The following MTHFS variants were observed in gnomAD, a reference collection of about 807,000 sequenced individuals.
The protein encoded by MTHFS is 5-formyltetrahydrofolate cyclo-ligase.
In MTHFS, 7 loss-of-function variants were observed where a neutral mutation model predicts 12.7. That is an observed-to-expected ratio of 0.55 (90% CI 0.31 to 1.03). The LOEUF (loss-of-function observed/expected upper bound fraction) is 1.03. MTHFS is among the 50% of genes least tolerant of loss of function. The pLI, the probability that MTHFS is intolerant of heterozygous loss-of-function variation, is 0.05. For synonymous variants in MTHFS, 100 were observed against 97.1 expected (o/e 1.03, Z -0.18); for missense variants, 252 against 258.1 (o/e 0.98, Z 0.16).
chr15:79,878,879 T>G (rs2034246825), intron 2 of MTHFS, among the ~76,000 whole-genome samples: 1 of 151,722 alleles, frequency 6.6e-6, no homozygotes, highest in Non-Finnish European at 1.5e-5. Flanking sequence ...TTTTCTTTCT[T>G]TCTTTAATTT....
intron 1 of MTHFS, among the ~76,000 whole-genome samples, chr15:79,891,638 C>G (rs1031256544): frequency 1.3e-5 from 2 of 152,074 alleles, no homozygotes; most frequent in African/African-American, 2.4e-5. Context: ...TTTTTATTAT[C>G]TGATTAACAA....
At chr15:79,848,366 C>T (rs2033656320) in intron 2 of MTHFS, among the ~76,000 whole-genome samples, 1 of 152,112 alleles carries the variant, frequency 6.6e-6, no homozygotes, top group South Asian at 2.1e-4. Context: ...AGAGAGTTGC[C>T]ATTCAATGGA....
chr15:79,859,591 G>A (rs970770654), intron 2 of MTHFS, among the ~76,000 whole-genome samples: 1 of 152,180 alleles, frequency 6.6e-6, no homozygotes, highest in African/African-American at 2.4e-5. Flanking sequence ...GCCGAGGCGG[G>A]CAGATCACCT....
At chr15:79,858,015 C>CAAAAAAAAAAA (rs71453466) in intron 2 of MTHFS, among the ~76,000 whole-genome samples, 1 of 59,468 alleles carries the variant, frequency 1.7e-5, no homozygotes. Context: ...GACTCCATCT[C>CAAAAAAAAAAA]AAAAAAAAAA....
chr15:79,890,593 C>T lies in MTHFS; in HGVS notation c.118-1239G>A, dbSNP rs547336272. On this transcript the variant is annotated intron_variant, in intron 1 of 2. Transcript: ENST00000258874. The stretch of plus-strand genomic sequence containing the variant: ...TCTCCAAACTAAAAAGAAAAGAATA[C>T]TTTTCTTATTCTTTATAAGACTTTT... 7.2e-5 allele frequency among the ~76,000 whole-genome samples: 11 copies of T among 152,134 alleles called. No individual in the cohort carries two copies. In the East Asian group the frequency reaches 7.7e-4, roughly 11 times the overall value.
At chr15:79,853,006 C>T (rs1393921952) in intron 2 of MTHFS, among the ~76,000 whole-genome samples, 1 of 152,154 alleles carries the variant, frequency 6.6e-6, no homozygotes, top group Non-Finnish European at 1.5e-5. Context: ...GCACTTTCCT[C>T]CTACCTAATC....
At chr15:79,868,589 T>A (rs950289830) in intron 2 of MTHFS, among the ~76,000 whole-genome samples, 2 of 152,244 alleles carry the variant, frequency 1.3e-5, no homozygotes, top group African/African-American at 4.8e-5. Flanking sequence ...CTCAGTAAAG[T>A]GGACAGCCCA....
intron 1 of MTHFS, among the ~76,000 whole-genome samples, chr15:79,894,527 T>C (rs1207703242): frequency 6.6e-6 from 1 of 152,230 alleles, no homozygotes; most frequent in African/African-American, 2.4e-5. Context: ...TCTCCTCCTT[T>C]AATGCCAGCT....
intron 2 of MTHFS, among the ~76,000 whole-genome samples, chr15:79,865,406 T>C (rs2033991955): frequency 1.3e-5 from 2 of 152,156 alleles, no homozygotes; most frequent in Admixed American, 6.5e-5. Flanking sequence ...TTCTGCAAGA[T>C]ATAATTTAGG....
intron 2 of MTHFS, among the ~76,000 whole-genome samples, chr15:79,887,514 A>T (rs913113357): frequency 6.6e-6 from 1 of 152,236 alleles, no homozygotes; most frequent in Non-Finnish European, 1.5e-5. Context: ...TCCAATTAGC[A>T]GGCACATTAT....
At chr15:79,859,805 G>A (rs376201395) in intron 2 of MTHFS, among the ~76,000 whole-genome samples, 5 of 109,542 alleles carry the variant, frequency 4.6e-5, no homozygotes, top group South Asian at 3.1e-4. Context: ...AAGACAGAGA[G>A]AGAATACATG....
chr15:79,856,437 C>T (rs2033803903), intron 2 of MTHFS, among the ~76,000 whole-genome samples: 1 of 152,074 alleles, frequency 6.6e-6, no homozygotes, highest in African/African-American at 2.4e-5. Context: ...AGCTTAGTGA[C>T]TCTGAGAATT....
intron 2 of MTHFS, among the ~76,000 whole-genome samples, chr15:79,866,513 A>G (rs2034013350): frequency 6.6e-6 from 1 of 152,196 alleles, no homozygotes; most frequent in African/African-American, 2.4e-5. Flanking sequence ...TCTACAATAC[A>G]GTAGGATGAC....
intron 2 of MTHFS, among the ~76,000 whole-genome samples, chr15:79,849,139 G>A (rs2033669144): frequency 2.0e-5 from 3 of 152,220 alleles, no homozygotes; most frequent in East Asian, 3.9e-4. Context: ...TCCTTACATC[G>A]TACATGCGGT....
intron 2 of MTHFS, among the ~76,000 whole-genome samples, chr15:79,864,578 A>AAAAAAAAAAAAAAAAAAAAAAAAAAC (rs1389080228): frequency 6.9e-6 from 1 of 145,314 alleles, no homozygotes; most frequent in African/African-American, 2.5e-5. Flanking sequence ...AAAAAAAAAA[A>AAAAAAAAAAAAAAAAAAAAAAAAAAC]AAGTCCTTGA....
chr15:79,878,533 G>A (rs1378397519), intron 2 of MTHFS, among the ~76,000 whole-genome samples: 1 of 148,106 alleles, frequency 6.8e-6, no homozygotes, highest in East Asian at 2.0e-4. Context: ...TGCCTAGCAA[G>A]GCTTATTCCA....
chr15:79,897,056 C>A (rs79182819), upstream of MTHFS: 1,531 of 1,429,122 alleles, frequency 1.1e-3, 27 homozygotes, highest in South Asian at 0.02. Context: ...GTCTCCGCCC[C>A]TGGCCGCTCC....
intron 1 of MTHFS, among the ~76,000 whole-genome samples, chr15:79,894,300 G>A (rs1046833700): frequency 6.6e-6 from 1 of 152,132 alleles, no homozygotes; most frequent in African/African-American, 2.4e-5. Context: ...AGAATCGCTT[G>A]AACGTGGGAG....
intron 2 of MTHFS, among the ~76,000 whole-genome samples, chr15:79,848,346 A>AG (rs1243017456): frequency 6.6e-6 from 1 of 152,182 alleles, no homozygotes. Flanking sequence ...CGCAGGAGAA[A>AG]GGGGGAGACA....
Sources: gnomAD v4.1 joint callset for allele counts (sites outside exome capture counted in the v4.1 genomes callset) on GRCh38, gnomAD v4.1.1 for gene constraint, MANE v1.5 for transcripts, NCBI Gene and HGNC (gene_info 2026-07-23, HGNC 2026-07-21) for gene names.